Variants in CNOT10 observed in about 807,000 individuals in gnomAD.
The protein encoded by CNOT10 is CCR4-NOT transcription complex, subunit 10.
A neutral mutation model predicts 94.6 loss-of-function variants in CNOT10; 30 were observed. The observed-to-expected ratio is 0.32, with a 90% CI of 0.24 to 0.43. The LOEUF (loss-of-function observed/expected upper bound fraction) is 0.43, where lower values mean the gene tolerates loss of function less well. CNOT10 is among the 20% of genes least tolerant of loss of function. The probability of loss-of-function intolerance (pLI) is 1.00; values close to 1 mark genes in which losing one functional copy is unlikely to be tolerated. For missense variants in CNOT10, 759 were observed against 877.2 expected (o/e 0.87, Z 1.70); for synonymous variants, 289 against 301.6 (o/e 0.96, Z 0.43).
intron 9 of CNOT10, 26 bp downstream of exon 9, chr3:32,725,625 T>C (rs1698632436): frequency 3.2e-6 from 5 of 1,568,112 alleles, no homozygotes; most frequent in Non-Finnish European, 4.3e-6. Flanking sequence ...GGGGACAGTT[T>C]GTATTTACTA....
At chr3:32,690,903 T>A (rs1388710917) in intron 1 of CNOT10, among the ~76,000 whole-genome samples, 2 of 152,002 alleles carry the variant, frequency 1.3e-5, no homozygotes, top group Non-Finnish European at 1.5e-5. Flanking sequence ...CTAAAAAATT[T>A]AAAAAATAAA....
chr3:32,736,573 G>A (rs552022587), intron 12 of CNOT10, among the ~76,000 whole-genome samples: 1 of 152,240 alleles, frequency 6.6e-6, no homozygotes, highest in South Asian at 2.1e-4. Context: ...CTAGGAGTTC[G>A]AAGCTAGCCT....
intron 12 of CNOT10, among the ~76,000 whole-genome samples, chr3:32,736,008 AAC>A (rs1286027589): frequency 1.3e-5 from 2 of 152,114 alleles, no homozygotes; most frequent in Admixed American, 1.3e-4. Context: ...GTAAGGACAA[AAC>A]ACATACCATT....
chr3:32,720,728 G>A (rs1465153557), intron 8 of CNOT10, among the ~76,000 whole-genome samples: 7 of 151,788 alleles, frequency 4.6e-5, no homozygotes, highest in African/African-American at 9.7e-5. Context: ...CAAGTGATCC[G>A]CTGACCTCAG....
chr3:32,753,265 A>C (rs1700043869), intron 13 of CNOT10: 1 of 820,380 alleles, frequency 1.2e-6, no homozygotes, highest in Admixed American at 1.7e-5. Context: ...TCTGGATTAA[A>C]AGATGTCAAG....
chr3:32,716,899 C>T (rs545417178), intron 6 of CNOT10, among the ~76,000 whole-genome samples: 55 of 152,310 alleles, frequency 3.6e-4, no homozygotes, highest in Middle Eastern at 3.4e-3. Flanking sequence ...ATCCACCTGC[C>T]TCGGCCTCCA....
At chr3:32,736,063 G>C (rs1559501193) in intron 12 of CNOT10, among the ~76,000 whole-genome samples, 1 of 151,778 alleles carries the variant, frequency 6.6e-6, no homozygotes, top group Non-Finnish European at 1.5e-5. Context: ...CTTTTCTTTT[G>C]TTTTCTTTTT....
chr3:32,741,300 A>T (rs1268419080), intron 13 of CNOT10, among the ~76,000 whole-genome samples: 1 of 148,194 alleles, frequency 6.7e-6, no homozygotes, highest in East Asian at 2.0e-4. Flanking sequence ...ATTGTACCTC[A>T]GTTTAATCAT....
chr3:32,719,000 C>G (rs1698251769), intron 7 of CNOT10, among the ~76,000 whole-genome samples: 1 of 152,172 alleles, frequency 6.6e-6, no homozygotes, highest in Non-Finnish European at 1.5e-5. Context: ...CCTGTAATCC[C>G]CACACTTTGG....
intron 1 of CNOT10, 59 bp downstream of exon 1, chr3:32,685,541 T>C: frequency 6.5e-7 from 1 of 1,541,128 alleles, no homozygotes; most frequent in East Asian, 2.5e-5. Context: ...GGGCGGACCC[T>C]GAACTCGGAG....
At chr3:32,754,591 C>T (rs1320374905) in intron 13 of CNOT10, among the ~76,000 whole-genome samples, 1 of 123,592 alleles carries the variant, frequency 8.1e-6, no homozygotes, top group African/African-American at 3.2e-5. Context: ...GTGATCTCTG[C>T]TCACTGCAAC....
Position 32,734,963 on chromosome 3 carries a change from A to C in CNOT10, c.1501A>C (p.Ser501Arg). 6.2e-7 allele frequency: 1 copy of C among 1,613,262 alleles called. No individual in the cohort carries two copies. The highest frequency in any genetic ancestry group is 8.5e-7 in the Non-Finnish European group (1 of 1,179,392). Reference sequence around the variant, plus strand: ...TGGGAACACAGAGAGCAGCGAAAGCAGTGAAACTTGCAGGTATTCTAATCC... The same window carrying C: ...TGGGAACACAGAGAGCAGCGAAAGCCGTGAAACTTGCAGGTATTCTAATCC... ...LGGNTESSES[S>R]ETCSSKSHDG... The change falls in exon 12 of 19, where the codon AGT (serine) becomes CGT (arginine). Residue 501 changes from serine to arginine, a missense_variant. Ser to Arg is a moderately radical substitution (Grantham distance 110). Around this residue, in one of 3 missense-constraint regions of CNOT10, gnomAD observed 682 missense variants for 799.4 expected, o/e 0.85. Coordinates refer to ENST00000328834, the MANE Select transcript of CNOT10 (RefSeq NM_015442.3).
intron 13 of CNOT10, among the ~76,000 whole-genome samples, chr3:32,754,489 A>AAAAAATAT (rs77878221): frequency 3.6e-4 from 25 of 70,210 alleles, no homozygotes; most frequent in African/African-American, 1.2e-3. Flanking sequence ...AAAAAAAAAA[A>AAAAAATAT]ATACATATAT....
At chr3:32,705,048 A>C in intron 3 of CNOT10, 76 bp downstream of exon 3, 1 of 970,548 alleles carries the variant, frequency 1.0e-6, no homozygotes, top group Non-Finnish European at 1.5e-6. Context: ...AGTTAAGGAA[A>C]ATAAATGTGA....
intron 9 of CNOT10, among the ~76,000 whole-genome samples, chr3:32,726,658 T>A (rs760749039): frequency 6.6e-6 from 1 of 150,472 alleles, no homozygotes; most frequent in Non-Finnish European, 1.5e-5. Flanking sequence ...ATCATGCCAC[T>A]GCACTCCAGC....
chr3:32,721,857 T>G (rs2125552942), intron 8 of CNOT10, among the ~76,000 whole-genome samples: 1 of 151,732 alleles, frequency 6.6e-6, no homozygotes, highest in South Asian at 2.1e-4. Context: ...TTTCACCGTG[T>G]TAGCCAGGAT....
intron 18 of CNOT10, among the ~76,000 whole-genome samples, chr3:32,773,128 A>G (rs1340499787): frequency 6.6e-6 from 1 of 152,124 alleles, no homozygotes; most frequent in Non-Finnish European, 1.5e-5. Flanking sequence ...TGGCCTCCCA[A>G]AGTACTAGGG....
chr3:32,734,792 C>CT lies in CNOT10; in HGVS notation c.1338-4dup. ...TCCACTTAGCTAATTTGGTTTTGTT[C>CT]TTTTAAGTGATGGGCAGTCTTCGGC... On this transcript the variant is annotated splice_region_variant and splice_polypyrimidine_tract_variant and intron_variant, in intron 11 of 18. Transcript: ENST00000328834. 1.3e-6 allele frequency: 2 copies of CT among 1,567,796 alleles called. No individual in the cohort carries two copies. The highest frequency in any genetic ancestry group is 1.7e-6 in the Non-Finnish European group (2 of 1,153,192).
At chr3:32,746,504 C>T (rs1223992975) in intron 13 of CNOT10, among the ~76,000 whole-genome samples, 1 of 152,100 alleles carries the variant, frequency 6.6e-6, no homozygotes, top group Non-Finnish European at 1.5e-5. Context: ...TCATACGGAG[C>T]ACACAACCTA....
Sources: gnomAD v4.1 joint callset for allele counts (sites outside exome capture counted in the v4.1 genomes callset) on GRCh38, gnomAD v4.1.1 for gene constraint, gnomAD v4.1.1 regional missense constraint, MANE v1.5 for transcripts, NCBI Gene and HGNC (gene_info 2026-07-23, HGNC 2026-07-21) for gene names.